TAFA1: variants seen among roughly 807,000 people sequenced by gnomAD.
The protein encoded by TAFA1 is chemokine-like protein TAFA-1.
TAFA1 carries 4 observed loss-of-function variants against 18.5 expected under a neutral mutation model. The ratio of observed to expected loss-of-function variants is 0.22; its 90% CI spans 0.11 to 0.49. TAFA1 has a LOEUF of 0.49. TAFA1 is among the 20% of genes least tolerant of loss of function. The probability of loss-of-function intolerance (pLI) is 0.98; values close to 1 mark genes in which losing one functional copy is unlikely to be tolerated. For synonymous variants in TAFA1, 56 were observed against 55.2 expected (o/e 1.01, Z -0.06); for missense variants, 147 against 169.0 (o/e 0.87, Z 0.72).
chr3:68,370,478 A>ATATATATATATATATACACG (rs2069677801), intron 2 of TAFA1, among the ~76,000 whole-genome samples: 1 of 22,044 alleles, frequency 4.5e-5, no homozygotes, highest in Non-Finnish European at 8.0e-5. Flanking sequence ...GTGTGTATAT[A>ATATATATATATATATACACG]TATATATATA....
At chr3:68,446,574 G>A (rs2071476552) in intron 3 of TAFA1, among the ~76,000 whole-genome samples, 2 of 152,106 alleles carry the variant, frequency 1.3e-5, no homozygotes, top group African/African-American at 4.8e-5. Context: ...AAAGGTAATT[G>A]AATTACCCAC....
intron 3 of TAFA1, among the ~76,000 whole-genome samples, chr3:68,439,054 A>G (rs1042004132): frequency 4.9e-4 from 74 of 152,138 alleles, no homozygotes; most frequent in African/African-American, 1.8e-3. Context: ...CCATTGTCTT[A>G]TGGAATAATA....
intron 2 of TAFA1, among the ~76,000 whole-genome samples, chr3:68,166,038 G>C (rs1371096213): frequency 6.6e-6 from 1 of 152,196 alleles, no homozygotes; most frequent in Non-Finnish European, 1.5e-5. Flanking sequence ...AAAGTGATGT[G>C]AGTAGACATA....
intron 3 of TAFA1, among the ~76,000 whole-genome samples, chr3:68,491,430 A>G (rs922283680): frequency 2.0e-5 from 3 of 151,466 alleles, no homozygotes; most frequent in African/African-American, 7.3e-5. Flanking sequence ...TCAGTAAACT[A>G]TCGCCAAGAA....
rs1410315020 is a variant in TAFA1 at position 68,196,772 on chromosome 3, CA to C, written c.118+190029del. The stretch of plus-strand genomic sequence containing the variant: ...CCACCATCCATGCCTGCTGAGTGAC[CA>C]TGCCCCATAGCTTCTTTAGAACAGT... On this transcript the variant is annotated intron_variant, in intron 2 of 4. Transcript: ENST00000478136. 6.6e-5 allele frequency among the ~76,000 whole-genome samples: 10 copies of C among 151,714 alleles called. No individual in the cohort carries two copies. In the East Asian group the frequency reaches 1.9e-3, roughly 30 times the overall value.
intron 2 of TAFA1, among the ~76,000 whole-genome samples, chr3:68,349,221 G>A (rs1053470020): frequency 1.4e-4 from 21 of 151,610 alleles, no homozygotes; most frequent in South Asian, 2.1e-4. Flanking sequence ...GGCTTGGAGC[G>A]TTTAAATCAG....
At chr3:68,025,360 G>A (rs547015647) in intron 2 of TAFA1, among the ~76,000 whole-genome samples, 1 of 152,136 alleles carries the variant, frequency 6.6e-6, no homozygotes, top group African/African-American at 2.4e-5. Context: ...CCTCTACGTG[G>A]ATTATAGGGG....
intron 2 of TAFA1, among the ~76,000 whole-genome samples, chr3:68,034,833 C>T (rs1195622535): frequency 6.6e-6 from 1 of 152,126 alleles, no homozygotes; most frequent in Non-Finnish European, 1.5e-5. Flanking sequence ...AAATGTGATA[C>T]TATTTTAGAA....
rs547656134 is a variant in TAFA1 at position 68,233,148 on chromosome 3, T to C, written c.119-184132T>C. 1.6e-4 allele frequency among the ~76,000 whole-genome samples: 25 copies of C among 152,306 alleles called. 1 individual carries two copies. The highest frequency in any genetic ancestry group is 4.8e-4 in the African/African-American group (20 of 41,580). On this transcript the variant is annotated intron_variant, in intron 2 of 4. Coordinates refer to ENST00000478136, the MANE Select transcript of TAFA1 (RefSeq NM_213609.4). ...CATTTATTTGCTGGCCTTTTGTATA[T>C]CTTTTTTGAGAAATTTCTCTTCAGA...
At chr3:68,196,610 C>T (rs957609830) in intron 2 of TAFA1, among the ~76,000 whole-genome samples, 2 of 151,680 alleles carry the variant, frequency 1.3e-5, no homozygotes, top group African/African-American at 4.8e-5. Context: ...ATATTTCTGC[C>T]TCTCATTCTT....
At chr3:68,246,431 A>T (rs2067078365) in intron 2 of TAFA1, among the ~76,000 whole-genome samples, 1 of 151,624 alleles carries the variant, frequency 6.6e-6, no homozygotes, top group African/African-American at 2.4e-5. Context: ...TCTACTAAAA[A>T]TACAAAAAAT....
At chr3:68,158,747 C>T (rs777720930) in intron 2 of TAFA1, among the ~76,000 whole-genome samples, 6 of 152,058 alleles carry the variant, frequency 3.9e-5, no homozygotes, top group Non-Finnish European at 8.8e-5. Flanking sequence ...CATATTACTT[C>T]TTTCTTTTAC....
chr3:68,250,783 T>G (rs959835635), intron 2 of TAFA1: 7 of 152,002 alleles, frequency 4.6e-5, no homozygotes, highest in African/African-American at 1.7e-4. Context: ...TGTTGTTTTT[T>G]TTTTTTAGCA....
intron 3 of TAFA1, among the ~76,000 whole-genome samples, chr3:68,433,582 C>T (rs765524778): frequency 6.6e-6 from 1 of 152,066 alleles, no homozygotes; most frequent in Non-Finnish European, 1.5e-5. Context: ...CAGCTGCATG[C>T]CAGTGCCCAG....
intron 2 of TAFA1, among the ~76,000 whole-genome samples, chr3:68,381,207 G>A (rs2069944194): frequency 6.6e-6 from 1 of 150,650 alleles, no homozygotes; most frequent in Non-Finnish European, 1.5e-5. Flanking sequence ...GTAGCATGAT[G>A]CCTCCAGCTT....
chr3:68,142,266 A>G (rs2065675867), intron 2 of TAFA1, among the ~76,000 whole-genome samples: 1 of 152,248 alleles, frequency 6.6e-6, no homozygotes, highest in Non-Finnish European at 1.5e-5. Flanking sequence ...GCATATGGGA[A>G]AAGTGAAACT....
intron 2 of TAFA1, among the ~76,000 whole-genome samples, chr3:68,344,274 A>G (rs1430993366): frequency 6.6e-6 from 1 of 152,232 alleles, no homozygotes; most frequent in African/African-American, 2.4e-5. Flanking sequence ...GAACTACTTA[A>G]TAAATGGAAA....
At chr3:68,212,587 C>A (rs1421695838) in intron 2 of TAFA1, among the ~76,000 whole-genome samples, 2 of 152,026 alleles carry the variant, frequency 1.3e-5, no homozygotes, top group Non-Finnish European at 2.9e-5. Context: ...AACCATGAAT[C>A]ACTCATACAG....
intron 2 of TAFA1, among the ~76,000 whole-genome samples, chr3:68,333,201 G>A (rs1435667462): frequency 2.0e-5 from 3 of 152,098 alleles, no homozygotes; most frequent in African/African-American, 7.2e-5. Context: ...GCACATACAT[G>A]TGTATGTTTT....
Sources: gnomAD v4.1 joint callset for allele counts (sites outside exome capture counted in the v4.1 genomes callset) on GRCh38, gnomAD v4.1.1 for gene constraint, MANE v1.5 for transcripts, NCBI Gene and HGNC (gene_info 2026-07-23, HGNC 2026-07-21) for gene names.